EXOC6B: variants seen among roughly 807,000 people sequenced by gnomAD.
The protein encoded by EXOC6B is SEC15 homolog B.
Under a neutral mutation model 113.5 loss-of-function variants are expected in EXOC6B, and 54 were observed. The ratio of observed to expected loss-of-function variants is 0.48; its 90% CI spans 0.38 to 0.60. The LOEUF (loss-of-function observed/expected upper bound fraction) is 0.60. Ranked by LOEUF, EXOC6B falls within the 20% of genes least tolerant of loss-of-function variation. EXOC6B has a pLI of 0.00. For missense variants in EXOC6B, 797 were observed against 977.5 expected, an observed-to-expected ratio of 0.82 and a Z score of 2.46; for synonymous variants, 357 against 339.0, an observed-to-expected ratio of 1.05 and a Z score of -0.58.
chr2:72,685,383 T>C (rs191864834), intron 6 of EXOC6B, among the ~76,000 whole-genome samples: 2 of 152,314 alleles, frequency 1.3e-5, no homozygotes, highest in East Asian at 3.9e-4. Context: ...TTCTGTGTGC[T>C]ACTTAGCAGT....
intron 1 of EXOC6B, among the ~76,000 whole-genome samples, chr2:72,771,399 A>G (rs1257307999): frequency 2.6e-5 from 4 of 152,194 alleles, no homozygotes; most frequent in Non-Finnish European, 5.9e-5. Flanking sequence ...GGCTTCATAT[A>G]TCATGCCTGT....
chr2:72,265,768 C>T (rs1270275111), intron 20 of EXOC6B, among the ~76,000 whole-genome samples: 1 of 152,190 alleles, frequency 6.6e-6, no homozygotes, highest in African/African-American at 2.4e-5. Flanking sequence ...GGTATATACC[C>T]AGTAATGGGA....
At chr2:72,492,845 G>A (rs1699824062) in intron 15 of EXOC6B, among the ~76,000 whole-genome samples, 1 of 151,918 alleles carries the variant, frequency 6.6e-6, no homozygotes, top group Non-Finnish European at 1.5e-5. Context: ...TGAATATGAT[G>A]TCTTTAAATA....
chr2:72,699,943 T>C (rs1180578185), intron 6 of EXOC6B, among the ~76,000 whole-genome samples: 1 of 152,088 alleles, frequency 6.6e-6, no homozygotes, highest in Non-Finnish European at 1.5e-5. Flanking sequence ...TCTCTGCAAA[T>C]ACCAGTATCT....
chr2:72,656,662 C>T (rs1674597893), intron 6 of EXOC6B, among the ~76,000 whole-genome samples: 1 of 152,034 alleles, frequency 6.6e-6, no homozygotes, highest in South Asian at 2.1e-4. Flanking sequence ...CAAAATTCTT[C>T]TTTGAAGAAT....
Position 72,480,692 on chromosome 2 carries a change from T to C in EXOC6B, c.1724A>G (p.Glu575Gly), listed in dbSNP as rs1381547388. The change falls in exon 17 of 22, where the codon GAA becomes GGA. Residue 575 changes from glutamate (E) to glycine (G), a missense_variant. By Grantham distance (98) the Glu-to-Gly change is moderately conservative. Coordinates refer to ENST00000272427, the MANE Select transcript of EXOC6B (RefSeq NM_015189.3). ...HLEKSCKYLE[E>G]FITNITNVLP... Reference sequence around the variant, plus strand: ...CACATTAGTGATGTTGGTGATAAATTCTTCCAAGTACTTACAGGATTTCTC... The same window carrying C: ...CACATTAGTGATGTTGGTGATAAATCCTTCCAAGTACTTACAGGATTTCTC... The C allele has an allele frequency of 6.3e-7, 1 of 1,595,276 alleles. No individual in the cohort carries two copies. The highest frequency in any genetic ancestry group is 8.5e-7 in the Non-Finnish European group (1 of 1,169,654).
chr2:72,483,632 A>T (rs536792475), intron 16 of EXOC6B, among the ~76,000 whole-genome samples: 1 of 152,304 alleles, frequency 6.6e-6, no homozygotes, highest in East Asian at 1.9e-4. Flanking sequence ...ACACTCTAGG[A>T]TTACAGTAGA....
chr2:72,729,722 G>A (rs921379729), intron 5 of EXOC6B, among the ~76,000 whole-genome samples: 1 of 151,964 alleles, frequency 6.6e-6, no homozygotes, highest in Non-Finnish European at 1.5e-5. Flanking sequence ...ACTGAACCTG[G>A]CTCATGGGTG....
At chr2:72,436,808 T>C (rs1695903032) in intron 18 of EXOC6B, among the ~76,000 whole-genome samples, 1 of 152,158 alleles carries the variant, frequency 6.6e-6, no homozygotes, top group Admixed American at 6.5e-5. Flanking sequence ...CTGTAACCTT[T>C]TATCAAGGTT....
In EXOC6B at chr2:72,768,407, G is replaced by A. The variant is rs191303310; in HGVS notation, c.114-26938C>T. Among the ~76,000 whole-genome samples the A allele has an allele frequency of 4.8e-3, 721 of 149,204 alleles. 16 individuals carry two copies. Among genetic ancestry groups the A allele is most frequent in the Admixed American group, 0.044 (654 of 14,800 alleles). On this transcript the variant is annotated intron_variant, in intron 1 of 21. Coordinates refer to ENST00000272427, the MANE Select transcript of EXOC6B (RefSeq NM_015189.3). ...ACCGGGTTCAAGCCATTCTCTTGCC[G>A]CAGCCTCCCGAGTAGCTGGGATTAC...
chr2:72,582,207 C>T (rs1705266612), intron 6 of EXOC6B, among the ~76,000 whole-genome samples: 1 of 151,898 alleles, frequency 6.6e-6, no homozygotes. Context: ...AAAATTCTAT[C>T]CACACAAAAA....
At chr2:72,317,877 T>G (rs376980844) in intron 20 of EXOC6B, among the ~76,000 whole-genome samples, 1 of 152,208 alleles carries the variant, frequency 6.6e-6, no homozygotes, top group South Asian at 2.1e-4. Flanking sequence ...AGGAGCCTGC[T>G]GCTTGCCTTG....
chr2:72,568,652 T>C (rs1298146957), intron 7 of EXOC6B, among the ~76,000 whole-genome samples: 1 of 152,036 alleles, frequency 6.6e-6, no homozygotes, highest in African/African-American at 2.4e-5. Flanking sequence ...GGATACCATA[T>C]GTGTAACTTT....
intron 6 of EXOC6B, among the ~76,000 whole-genome samples, chr2:72,693,625 T>G (rs76274133): frequency 0.016 from 2,496 of 152,244 alleles, 90 homozygotes; most frequent in African/African-American, 0.058. Context: ...GGAGCAGAAA[T>G]TCAACATGAT....
chr2:72,823,734 T>C (rs1042336230), intron 1 of EXOC6B, among the ~76,000 whole-genome samples: 1 of 151,680 alleles, frequency 6.6e-6, no homozygotes, highest in African/African-American at 2.4e-5. Flanking sequence ...GCAGTGACGA[T>C]TGTGCCACTG....
At chr2:72,610,476 A>G (rs1671010831) in intron 6 of EXOC6B, among the ~76,000 whole-genome samples, 1 of 152,206 alleles carries the variant, frequency 6.6e-6, no homozygotes. Flanking sequence ...GGACTGGGAC[A>G]GGGATTAAGT....
At chr2:72,219,675 A>C (rs1327105095) in intron 20 of EXOC6B, among the ~76,000 whole-genome samples, 3 of 151,788 alleles carry the variant, frequency 2.0e-5, no homozygotes, top group Non-Finnish European at 4.4e-5. Flanking sequence ...TTCTCTTTTC[A>C]TTTTTTTCTG....
intron 11 of EXOC6B, 48 bp downstream of exon 11, chr2:72,513,084 A>G: frequency 1.2e-6 from 2 of 1,601,332 alleles, no homozygotes; most frequent in Non-Finnish European, 1.7e-6. Context: ...CACTGAATAT[A>G]TAGATAATCA....
chr2:72,308,085 G>A (rs185696124), intron 20 of EXOC6B, among the ~76,000 whole-genome samples: 1 of 152,186 alleles, frequency 6.6e-6, no homozygotes, highest in East Asian at 1.9e-4. Flanking sequence ...TAATTGAATA[G>A]GTAAAGAAAT....
Sources: gnomAD v4.1 joint callset for allele counts (sites outside exome capture counted in the v4.1 genomes callset) on GRCh38, gnomAD v4.1.1 for gene constraint, MANE v1.5 for transcripts, NCBI Gene and HGNC (gene_info 2026-07-23, HGNC 2026-07-21) for gene names.